The following SIAH3 variants were observed in gnomAD, a reference collection of about 807,000 sequenced individuals.
SIAH3 encodes seven in absentia homolog 3.
Under a neutral mutation model 12.6 loss-of-function variants are expected in SIAH3, and 9 were observed. That is an observed-to-expected ratio of 0.72 (90% CI 0.43 to 1.25). The LOEUF (loss-of-function observed/expected upper bound fraction) is 1.25, where lower values mean the gene tolerates loss of function less well. Ranked by LOEUF, SIAH3 falls within the 50% of genes most tolerant of loss-of-function variation. The probability of loss-of-function intolerance (pLI) is 0.00; values close to 1 mark genes in which losing one functional copy is unlikely to be tolerated. For synonymous variants in SIAH3, 154 were observed against 151.1 expected (o/e 1.02, Z -0.14); for missense variants, 390 against 365.4 (o/e 1.07, Z -0.55).
At chr13:45,802,300 C>T (rs957963990) in intron 1 of SIAH3, among the ~76,000 whole-genome samples, 1 of 151,974 alleles carries the variant, frequency 6.6e-6, no homozygotes, top group Non-Finnish European at 1.5e-5. Context: ...AGCGAGACTC[C>T]ATCTCAACAA....
At position 45,781,592 on chromosome 13, in the gene SIAH3, CCT is replaced by C. The variant is rs774429185; in HGVS notation, c.*1789_*1790del. 9 of 152,184 alleles carry C rather than the reference CCT, an allele frequency of 5.9e-5. No individual in the cohort carries two copies. The highest frequency in any genetic ancestry group is 1.3e-4 in the Non-Finnish European group (9 of 68,046). The allele number at this position is 152,184 out of a possible 1,614,324, so 9.4% of individuals were successfully genotyped here. On this transcript the variant is annotated 3_prime_UTR_variant, in exon 2 of 2. Transcript: ENST00000400405. ...TCCATCTGTGGCAATGTTTTTTGCC[CCT>C]CTCAGGGCTCTGACGGAATGCAGTC...
intron 1 of SIAH3, among the ~76,000 whole-genome samples, chr13:45,819,334 C>T (rs149646246): frequency 2.0e-5 from 3 of 152,094 alleles, no homozygotes; most frequent in Non-Finnish European, 4.4e-5. Flanking sequence ...ATGGGAGGAG[C>T]GTTTAAGGAA....
rs894367450 is a variant in SIAH3, at chr13:45,782,006, G to GC, written c.*1376_*1377insG. 5.2e-5 allele frequency: 7 copies of GC among 135,912 alleles called. No individual in the cohort carries two copies. The highest frequency in any genetic ancestry group is 8.8e-5 in the Non-Finnish European group (6 of 67,948). 8.4% of individuals were successfully genotyped at this position (135,912 alleles called of 1,614,324 possible). A position where few individuals can be genotyped will look rare whatever the true frequency, so the allele number is the denominator to read the frequency against. ...TGCAGTGTCTGGAGAGCAGCCAGAG[G>GC]GGGGGGACAAATGCGATAAAAAGGA... On this transcript the variant is annotated 3_prime_UTR_variant, in exon 2 of 2. Transcript: ENST00000400405.
At chr13:45,829,301 C>T (rs918588724) in intron 1 of SIAH3, among the ~76,000 whole-genome samples, 1 of 152,156 alleles carries the variant, frequency 6.6e-6, no homozygotes, top group Non-Finnish European at 1.5e-5. Context: ...AACCACCACC[C>T]AGATCAAGAT....
chr13:45,791,495 A>G (rs1950545551), intron 1 of SIAH3, among the ~76,000 whole-genome samples: 2 of 152,084 alleles, frequency 1.3e-5, no homozygotes, highest in South Asian at 4.1e-4. Flanking sequence ...GGTGCTATAG[A>G]AATATGGTGT....
chr13:45,820,721 A>G (rs908967847), intron 1 of SIAH3, among the ~76,000 whole-genome samples: 2 of 152,004 alleles, frequency 1.3e-5, no homozygotes, highest in African/African-American at 2.4e-5. Context: ...CTGCTTCTGC[A>G]GTTTCTGGGT....
At chr13:45,817,163 A>G (rs930499114) in intron 1 of SIAH3, among the ~76,000 whole-genome samples, 1 of 152,276 alleles carries the variant, frequency 6.6e-6, no homozygotes, top group African/African-American at 2.4e-5. Context: ...AACAATGTTT[A>G]GGCCATATAC....
chr13:45,820,142 A>T (rs189408308), intron 1 of SIAH3, among the ~76,000 whole-genome samples: 39 of 152,282 alleles, frequency 2.6e-4, no homozygotes, highest in African/African-American at 9.4e-4. Flanking sequence ...CCCACCTCTT[A>T]ATACCATCAC....
At chr13:45,815,900 CA>C (rs1950632894) in intron 1 of SIAH3, among the ~76,000 whole-genome samples, 1 of 152,222 alleles carries the variant, frequency 6.6e-6, no homozygotes, top group Admixed American at 6.5e-5. Context: ...GGCATCCCCA[CA>C]ACAAAAATCA....
intron 1 of SIAH3, among the ~76,000 whole-genome samples, chr13:45,847,212 C>G (rs1044603983): frequency 6.6e-6 from 1 of 152,160 alleles, no homozygotes; most frequent in African/African-American, 2.4e-5. Flanking sequence ...TTGTTGGAAG[C>G]CTTTAACTGC....
intron 1 of SIAH3, among the ~76,000 whole-genome samples, chr13:45,827,482 T>C (rs963085097): frequency 1.3e-5 from 2 of 152,222 alleles, no homozygotes; most frequent in Admixed American, 6.5e-5. Context: ...ACTGATTTTA[T>C]TTCTAACTAA....
intron 1 of SIAH3, among the ~76,000 whole-genome samples, chr13:45,819,985 C>T (rs1192371336): frequency 6.6e-6 from 1 of 152,222 alleles, no homozygotes; most frequent in East Asian, 1.9e-4. Flanking sequence ...CTCGCTGCTG[C>T]ATCCTCTGAG....
chr13:45,813,958 G>A (rs1411243884), intron 1 of SIAH3, among the ~76,000 whole-genome samples: 1 of 152,090 alleles, frequency 6.6e-6, no homozygotes, highest in Non-Finnish European at 1.5e-5. Flanking sequence ...CAGTCCATAG[G>A]CCGGGCACAG....
chr13:45,829,943 C>A (rs577666859), intron 1 of SIAH3, among the ~76,000 whole-genome samples: 67 of 152,236 alleles, frequency 4.4e-4, no homozygotes, highest in African/African-American at 1.6e-3. Context: ...TACAGGCCTG[C>A]CTCTAACATT....
At chr13:45,820,063 C>T (rs1950649994) in intron 1 of SIAH3, among the ~76,000 whole-genome samples, 1 of 152,212 alleles carries the variant, frequency 6.6e-6, no homozygotes, top group Admixed American at 6.5e-5. Context: ...TGTGTGAAGC[C>T]TCCTTTATAA....
chr13:45,820,325 G>A (rs1249752959), intron 1 of SIAH3, among the ~76,000 whole-genome samples: 1 of 152,138 alleles, frequency 6.6e-6, no homozygotes, highest in Non-Finnish European at 1.5e-5. Context: ...TACCATGCAG[G>A]TGAACCTCCT....
At chr13:45,811,267 G>T (rs1400349042) in intron 1 of SIAH3, among the ~76,000 whole-genome samples, 1 of 152,200 alleles carries the variant, frequency 6.6e-6, no homozygotes, top group Non-Finnish European at 1.5e-5. Flanking sequence ...GCTTAGTGAG[G>T]CAGGACTAGT....
At chr13:45,809,546 A>G (rs914154895) in intron 1 of SIAH3, among the ~76,000 whole-genome samples, 2 of 152,246 alleles carry the variant, frequency 1.3e-5, no homozygotes, top group African/African-American at 4.8e-5. Context: ...GATTGAAATC[A>G]GAAATTACTG....
chr13:45,783,284 A>T lies in SIAH3; in HGVS notation c.*99T>A. On this transcript the variant is annotated 3_prime_UTR_variant, in exon 2 of 2. Transcript: ENST00000400405. ...TAATTAAAAATTAAAAAAAAAAAAA[A>T]GAAAGGAGAAGAATAAAAAGGAGTC... The T allele has an allele frequency of 2.6e-6, 2 of 779,578 alleles. No individual in the cohort carries two copies. Among genetic ancestry groups the T allele is most frequent in the Non-Finnish European group, 3.7e-6 (2 of 539,660 alleles). The allele number at this position is 779,578 out of a possible 1,614,324, so 48.3% of individuals were successfully genotyped here. A position where few individuals can be genotyped will look rare whatever the true frequency, so the allele number is the denominator to read the frequency against.
Sources: gnomAD v4.1 joint callset for allele counts (sites outside exome capture counted in the v4.1 genomes callset) on GRCh38, gnomAD v4.1.1 for gene constraint, MANE v1.5 for transcripts, NCBI Gene and HGNC (gene_info 2026-07-23, HGNC 2026-07-21) for gene names.